The following GRIA3 variants were observed in gnomAD, a reference collection of about 807,000 sequenced individuals.
The protein encoded by GRIA3 is glutamate ionotropic receptor AMPA type subunit 3, also known as glutamate receptor 3.
GRIA3 carries 3 observed loss-of-function variants against 63.0 expected under a neutral mutation model. The ratio of observed to expected loss-of-function variants is 0.05; its 90% CI spans 0.02 to 0.12. The LOEUF (loss-of-function observed/expected upper bound fraction) is 0.12, where lower values mean the gene tolerates loss of function less well. GRIA3 is among the 10% of genes least tolerant of loss of function. The pLI, the probability that GRIA3 is intolerant of heterozygous loss-of-function variation, is 1.00. For missense variants in GRIA3, 347 were observed against 700.9 expected, an observed-to-expected ratio of 0.50 and a Z score of 5.70; for synonymous variants, 274 against 257.9, an observed-to-expected ratio of 1.06 and a Z score of -0.60.
At chrX:123,408,519 TA>T (rs1384323431) in intron 10 of GRIA3, among the ~76,000 whole-genome samples, 3 of 112,417 alleles carry the variant, frequency 2.7e-5, no homozygotes, top group Non-Finnish European at 3.8e-5. Context: ...TGCACTCATT[TA>T]ATCTCCACAT....
chrX:123,448,356 A>C (rs1443145180), intron 12 of GRIA3, among the ~76,000 whole-genome samples: 1 of 111,889 alleles, frequency 8.9e-6, no homozygotes, highest in Admixed American at 9.5e-5. Flanking sequence ...ATAGAGCAGA[A>C]GTTAATTCCC....
At chrX:123,279,301 A>C (rs758027157) in intron 3 of GRIA3, among the ~76,000 whole-genome samples, 3 of 111,502 alleles carry the variant, frequency 2.7e-5, no homozygotes, top group Non-Finnish European at 5.6e-5. Context: ...CAAGAAATCT[A>C]TTGTGCAGCA....
At chrX:123,404,520 C>CAAAAAA in intron 9 of GRIA3, among the ~76,000 whole-genome samples, 188 bp from the exon 10 acceptor site, 1 of 65,517 alleles carries the variant, frequency 1.5e-5, no homozygotes. Flanking sequence ...CTCCCCCTAC[C>CAAAAAA]AAAAAAAAAA....
intron 7 of GRIA3, among the ~76,000 whole-genome samples, chrX:123,402,356 C>T (rs2045447634): frequency 9.5e-6 from 1 of 105,586 alleles, no homozygotes; most frequent in Non-Finnish European, 1.9e-5. Flanking sequence ...TTAATAGATG[C>T]CACATACTGT....
chrX:123,414,673 T>G (rs930780696), intron 10 of GRIA3, among the ~76,000 whole-genome samples: 5 of 107,305 alleles, frequency 4.7e-5, no homozygotes, highest in African/African-American at 1.7e-4. Context: ...CATGTGGTGT[T>G]TGGTTTTCTG....
intron 3 of GRIA3, among the ~76,000 whole-genome samples, chrX:123,271,610 A>G (rs1410953232): frequency 1.8e-5 from 2 of 111,987 alleles, no homozygotes; most frequent in Non-Finnish European, 3.8e-5. Context: ...TTTGGGGCCA[A>G]TGAATAATCA....
intron 2 of GRIA3, among the ~76,000 whole-genome samples, chrX:123,249,056 C>T (rs141261023): frequency 1.2e-3 from 133 of 111,435 alleles, no homozygotes; most frequent in Non-Finnish European, 2.2e-3. Flanking sequence ...GAATCCTGAC[C>T]CACGCTGCAA....
intron 12 of GRIA3, among the ~76,000 whole-genome samples, chrX:123,446,841 T>C (rs1400109636): frequency 9.0e-6 from 1 of 111,211 alleles, no homozygotes; most frequent in Non-Finnish European, 1.9e-5. Flanking sequence ...GGCAATCAGG[T>C]GAGTCTTAAA....
Position 123,326,180 on chromosome X carries a change from C to T in GRIA3, c.663C>T (p.Cys221=), listed in dbSNP as rs1179346709. The change falls in exon 4 of 16, where the codon TGC becomes TGT. Residue 221 remains cysteine, a synonymous_variant. Transcript: ENST00000620443. ...AGGAAAAGCGATACTTGATTGACTG[C>T]GAAGTCGAAAGGATTAACACAATTT... ...RRQEKRYLID[C]EVERINTILE... The T allele has an allele frequency of 4.1e-6, 5 of 1,209,078 alleles. No homozygotes were observed. Among genetic ancestry groups the T allele is most frequent in the Admixed American group, 2.2e-5 (1 of 45,942 alleles).
chrX:123,437,619 T>C (rs765352078), intron 12 of GRIA3, among the ~76,000 whole-genome samples: 1 of 111,560 alleles, frequency 9.0e-6, no homozygotes, highest in Non-Finnish European at 1.9e-5. Context: ...ATTAGAATTA[T>C]AGTGATGGAG....
intron 3 of GRIA3, among the ~76,000 whole-genome samples, chrX:123,259,693 A>C (rs1335042621): frequency 9.0e-6 from 1 of 111,679 alleles, no homozygotes; most frequent in African/African-American, 3.3e-5. Context: ...CATCTTTACA[A>C]CTGAGGAAAC....
chrX:123,326,345 C>A, intron 4 of GRIA3, 132 bp downstream of exon 4: 3 of 385,595 alleles, frequency 7.8e-6, no homozygotes, highest in Non-Finnish European at 1.4e-5. Context: ...CTCTCTAATC[C>A]TTTTTTCCTC....
Position 123,462,777 on chromosome X carries a change from G to T in GRIA3, c.2077-2088G>T, listed in dbSNP as rs1461763955. On this transcript the variant is annotated intron_variant, in intron 12 of 15. Transcript: ENST00000620443. ...TAAATAATCAAGAAAGTTGGGGTGG[G>T]GGCCAGGAAACCCCACAAAAAGACA... 2.7e-5 allele frequency among the ~76,000 whole-genome samples: 3 copies of T among 111,525 alleles called. No individual in the cohort carries two copies. The East Asian group carries it at 8.4e-4, about 31-fold the overall frequency.
chrX:123,463,700 A>AGAG (rs1569440914), intron 12 of GRIA3, among the ~76,000 whole-genome samples: 16 of 71,105 alleles, frequency 2.3e-4, no homozygotes, highest in Non-Finnish European at 3.2e-4. Context: ...GAAAGAAAGA[A>AGAG]AAAGAAAGAA....
intron 2 of GRIA3, among the ~76,000 whole-genome samples, chrX:123,245,830 G>A (rs962079776): frequency 1.8e-5 from 2 of 111,848 alleles, no homozygotes; most frequent in African/African-American, 6.5e-5. Flanking sequence ...TAGTGATAAA[G>A]GAGTTAGAAT....
chrX:123,439,793 CTT>C (rs34786936), intron 12 of GRIA3, among the ~76,000 whole-genome samples: 2 of 104,879 alleles, frequency 1.9e-5, no homozygotes, highest in Admixed American at 1.0e-4. Context: ...TATTCTTGTT[CTT>C]TTTTTTTTAT....
intron 3 of GRIA3, among the ~76,000 whole-genome samples, chrX:123,269,223 G>A (rs1421550601): frequency 8.9e-6 from 1 of 112,172 alleles, no homozygotes; most frequent in Non-Finnish European, 1.9e-5. Context: ...ATTGTGACGA[G>A]AAAGAATGAC....
rs756076055 is a variant in GRIA3 at position 123,184,650 on chromosome X, C to T, written c.109+6C>T. The stretch of plus-strand genomic sequence containing the variant: ...CCCCAACACCATCAGCATAGGTAAG[C>T]GCAAGCGAGCCAGCCGTCGGTCCAG... On this transcript the variant is annotated splice_donor_region_variant and intron_variant, in intron 1 of 15. Coordinates refer to ENST00000620443, the MANE Select transcript of GRIA3 (RefSeq NM_007325.5). The T allele has an allele frequency of 1.1e-5, 12 of 1,142,512 alleles. No individual in the cohort carries two copies. The East Asian group carries it at 3.3e-4, about 31-fold the overall frequency. The allele number at this position is 1,142,512 out of a possible 1,213,427, so 94.2% of individuals were successfully genotyped here. A position where few individuals can be genotyped will look rare whatever the true frequency, so the allele number is the denominator to read the frequency against.
chrX:123,291,197 G>A (rs990699378), intron 3 of GRIA3, among the ~76,000 whole-genome samples: 2 of 111,474 alleles, frequency 1.8e-5, no homozygotes, highest in Non-Finnish European at 3.8e-5. Flanking sequence ...CCCTACTGAG[G>A]AGAACTGAAT....
Sources: allele counts gnomAD v4.1 joint callset (sites outside exome capture counted in the v4.1 genomes callset), GRCh38; gene constraint gnomAD v4.1.1; transcripts MANE v1.5; gene names NCBI Gene and HGNC (gene_info 2026-07-23, HGNC 2026-07-21).